The following RYR2 variants were observed in gnomAD, a reference collection of about 807,000 sequenced individuals.
The protein encoded by RYR2 is ryanodine receptor 2.
In RYR2, 227 loss-of-function variants were observed where a neutral mutation model predicts 601.1. That is an observed-to-expected ratio of 0.38 (90% confidence interval 0.34 to 0.42). RYR2 has a LOEUF of 0.42. Among genes scored for constraint, RYR2 ranks in the 10% least tolerant of loss-of-function variants. The pLI is 1.00. For missense variants in RYR2, 4,646 were observed against 6,156.5 expected (o/e 0.75, Z 8.21); for synonymous variants, 2,223 against 2,175.1 (o/e 1.02, Z -0.61).
At chr1:237,167,726 TTTTTTTTA>T (rs1401548957) in intron 1 of RYR2, among the ~76,000 whole-genome samples, 1 of 144,894 alleles carries the variant, frequency 6.9e-6, no homozygotes, top group African/African-American at 2.7e-5. Flanking sequence ...TTTTTTTTTT[TTTTTTTTA>T]AATTTAGAGA....
rs980106237 is a variant in RYR2 at position 237,042,430 on chromosome 1, G to A, written c.-92G>A. ...CGGCCCCCTCCAGCCCCCGGCTCCC[G>A]GCAGCAGAAGCAGAAGGCAGCGCCA... On this transcript the variant is annotated 5_prime_UTR_variant, in exon 1 of 105. Coordinates refer to ENST00000366574, the MANE Select transcript of RYR2 (RefSeq NM_001035.3). 7 of 1,173,168 alleles carry A rather than the reference G, an allele frequency of 6.0e-6. No homozygotes were observed. The African/African-American group carries it at 9.6e-5, about 16-fold the overall frequency. 72.7% of individuals were successfully genotyped at this position (1,173,168 alleles called of 1,614,324 possible).
chr1:237,366,674 TCACACACACA>T lies in RYR2; in HGVS notation c.309+2328_309+2337del, dbSNP rs56679247. On this transcript the variant is annotated intron_variant, in intron 5 of 104. Transcript: ENST00000366574. ...TTAATGTGTGTGTAAACCTCTTTAG[TCACACACACA>T]CACACACACACACACACACACACAC... Among the ~76,000 whole-genome samples, 546 of 144,918 alleles carry T rather than the reference TCACACACACA, an allele frequency of 3.8e-3. 4 individuals carry two copies. Among genetic ancestry groups the T allele is most frequent in the African/African-American group, 0.011 (449 of 39,308 alleles).
chr1:237,813,199 G>A (rs536794549), intron 100 of RYR2, among the ~76,000 whole-genome samples: 5 of 152,272 alleles, frequency 3.3e-5, no homozygotes, highest in African/African-American at 1.2e-4. Flanking sequence ...GGTGCAGAAG[G>A]TAGCAGTAGC....
intron 101 of RYR2, among the ~76,000 whole-genome samples, chr1:237,821,971 A>T (rs186831398): frequency 6.6e-6 from 1 of 152,088 alleles, no homozygotes; most frequent in Non-Finnish European, 1.5e-5. Flanking sequence ...AGACAAGATT[A>T]GAGAAAAAAG....
At chr1:237,589,195 T>C (rs890019299) in intron 29 of RYR2, among the ~76,000 whole-genome samples, 3 of 152,202 alleles carry the variant, frequency 2.0e-5, no homozygotes, top group East Asian at 3.8e-4. Flanking sequence ...TTTTCCCCCA[T>C]GCTTAGATCC....
chr1:237,420,520 GC>G (rs1705454333), intron 11 of RYR2, among the ~76,000 whole-genome samples: 1 of 152,034 alleles, frequency 6.6e-6, no homozygotes, highest in Non-Finnish European at 1.5e-5. Flanking sequence ...TTCTTGCCTT[GC>G]CCTCTCATTT....
chr1:237,451,295 G>A (rs939256420), intron 14 of RYR2, among the ~76,000 whole-genome samples: 1 of 152,182 alleles, frequency 6.6e-6, no homozygotes, highest in Non-Finnish European at 1.5e-5. Context: ...ATTGGGCTGA[G>A]TGTGGTGGCT....
rs1213060981 is a variant in RYR2, at chr1:237,157,174, T to C, written c.49-113323T>C. On this transcript the variant is annotated intron_variant, in intron 1 of 104. Transcript: ENST00000366574. Reference sequence around the variant, plus strand: ...AGTTGGGTGTGGTGGTGTGTACCTGTAGTCCCAGCTACTTGGGAGGCTGAG... The same window carrying C: ...AGTTGGGTGTGGTGGTGTGTACCTGCAGTCCCAGCTACTTGGGAGGCTGAG... 5.9e-5 allele frequency among the ~76,000 whole-genome samples: 9 copies of C among 151,518 alleles called. No homozygotes were observed. In the East Asian group the frequency reaches 1.6e-3, roughly 26 times the overall value.
At chr1:237,314,324 A>T (rs1694898310) in intron 2 of RYR2, among the ~76,000 whole-genome samples, 2 of 152,132 alleles carry the variant, frequency 1.3e-5, no homozygotes, top group African/African-American at 4.8e-5. Flanking sequence ...TCAGCCTCCC[A>T]AAGTGCTGGG....
intron 66 of RYR2, among the ~76,000 whole-genome samples, chr1:237,703,521 C>G (rs1403643635): frequency 6.7e-6 from 1 of 149,252 alleles, no homozygotes; most frequent in Non-Finnish European, 1.5e-5. Flanking sequence ...TAACCTCTTG[C>G]CTATTTCTCC....
chr1:237,556,880 C>CAAAAAAAAAAAAAAAA (rs869116177), intron 27 of RYR2, among the ~76,000 whole-genome samples: 1 of 77,840 alleles, frequency 1.3e-5, no homozygotes, highest in Non-Finnish European at 2.3e-5. Flanking sequence ...TCCCTCCCAC[C>CAAAAAAAAAAAAAAAA]AAAAAAAAAA....
At chr1:237,633,801 G>A in intron 43 of RYR2, 91 bp downstream of exon 43, 2 of 1,230,312 alleles carry the variant, frequency 1.6e-6, no homozygotes, top group Admixed American at 2.7e-5. Context: ...ATGTGCAATG[G>A]ACCTGAATAG....
chr1:237,176,441 G>A lies in RYR2; in HGVS notation c.49-94056G>A, dbSNP rs543915621. Among the ~76,000 whole-genome samples the A allele has an allele frequency of 2.2e-4, 33 of 151,500 alleles. No homozygotes were observed. The South Asian group carries it at 6.4e-3, about 30-fold the overall frequency. ...AAAATATGCTATCATTTATAAACAT[G>A]TATGGTTCTTATGAAAATCACAAAA... On this transcript the variant is annotated intron_variant, in intron 1 of 104. Coordinates refer to ENST00000366574, the MANE Select transcript of RYR2 (RefSeq NM_001035.3).
intron 69 of RYR2, 88 bp from the exon 70 acceptor site, chr1:237,709,392 T>C: frequency 1.2e-6 from 1 of 850,316 alleles, no homozygotes; most frequent in Non-Finnish European, 1.9e-6. Flanking sequence ...CTGTGGTCAG[T>C]ACATTTAACT....
At chr1:237,214,543 C>T (rs1012606325) in intron 1 of RYR2, among the ~76,000 whole-genome samples, 2 of 152,188 alleles carry the variant, frequency 1.3e-5, no homozygotes, top group African/African-American at 2.4e-5. Flanking sequence ...TGAGAACTCA[C>T]TCATTACTGC....
intron 29 of RYR2, among the ~76,000 whole-genome samples, chr1:237,582,349 A>G (rs576253505): frequency 2.6e-5 from 4 of 151,044 alleles, no homozygotes; most frequent in Non-Finnish European, 5.9e-5. Flanking sequence ...ACCTCAGATG[A>G]TCTGCCCACC....
At chr1:237,254,509 G>A (rs543376454) in intron 1 of RYR2, among the ~76,000 whole-genome samples, 7 of 152,232 alleles carry the variant, frequency 4.6e-5, no homozygotes, top group South Asian at 2.1e-4. Context: ...GTACACAGTG[G>A]TTTTCTTTTC....
chr1:237,644,474 C>T (rs866146191), intron 48 of RYR2, among the ~76,000 whole-genome samples: 7 of 152,010 alleles, frequency 4.6e-5, no homozygotes, highest in African/African-American at 7.2e-5. Flanking sequence ...CCTCACGATC[C>T]GCCTGCCTCA....
chr1:237,180,664 A>ATATATATG lies in RYR2; in HGVS notation c.49-89831_49-89830insTATATGTA, dbSNP rs1486676568. Among the ~76,000 whole-genome samples, 1 of 128,142 alleles carries ATATATATG rather than the reference A, an allele frequency of 7.8e-6. No individual in the cohort carries two copies. Among genetic ancestry groups the ATATATATG allele is most frequent in the Non-Finnish European group, 1.6e-5 (1 of 60,926 alleles). The allele number at this position is 128,142 out of a possible 152,430, so 84.1% of individuals were successfully genotyped here. Reference sequence around the variant, plus strand: ...TGTATATGTATATGTGTATATATGTATACATGTGTATATATGTGTATATAT... The same window carrying ATATATATG: ...TGTATATGTATATGTGTATATATGTATATATATGTACATGTGTATATATGTGTATATAT... On this transcript the variant is annotated intron_variant, in intron 1 of 104. Coordinates refer to ENST00000366574, the MANE Select transcript of RYR2 (RefSeq NM_001035.3). This position sits in a 1 kb window ranked among gnomAD's most constrained non-coding sequence, Gnocchi z 5.3.
Sources: allele counts gnomAD v4.1 joint callset (sites outside exome capture counted in the v4.1 genomes callset), GRCh38; gene constraint gnomAD v4.1.1; non-coding constraint Gnocchi (gnomAD v3.1); transcripts MANE v1.5; gene names NCBI Gene and HGNC (gene_info 2026-07-23, HGNC 2026-07-21).